The following IL34 variants were observed in gnomAD, a reference collection of about 807,000 sequenced individuals.
IL34 encodes the protein interleukin-34.
In IL34, 17 loss-of-function variants were observed where a neutral mutation model predicts 25.3. The observed-to-expected ratio is 0.67, with a 90% CI of 0.46 to 1.01. The LOEUF is 1.01. Ranked by LOEUF, IL34 falls within the 50% of genes least tolerant of loss-of-function variation. The pLI, the probability that IL34 is intolerant of heterozygous loss-of-function variation, is 0.00. For synonymous variants in IL34, 174 were observed against 140.9 expected, an observed-to-expected ratio of 1.23 and a Z score of -1.66; for missense variants, 368 against 312.9, an observed-to-expected ratio of 1.18 and a Z score of -1.33.
intron 1 of IL34, among the ~76,000 whole-genome samples, chr16:70,580,780 CA>C (rs200027520): frequency 0.068 from 5,468 of 80,990 alleles, 262 homozygotes; most frequent in African/African-American, 0.2. Context: ...GACTATGTCT[CA>C]AAAAAAAAAA....
chr16:70,581,234 G>T (rs915122838), intron 1 of IL34, among the ~76,000 whole-genome samples: 6 of 152,006 alleles, frequency 3.9e-5, no homozygotes, highest in African/African-American at 1.4e-4. Flanking sequence ...ACTTTTAAAT[G>T]CACATAAACC....
At chr16:70,599,263 C>A (rs191084355) in intron 1 of IL34, among the ~76,000 whole-genome samples, 9,475 of 95,398 alleles carry the variant, frequency 0.099, 752 homozygotes, top group East Asian at 0.27. Context: ...ATGTCAAGAA[C>A]TGTTTCTTTC....
intron 1 of IL34, among the ~76,000 whole-genome samples, chr16:70,619,193 A>G (rs907458043): frequency 9.9e-5 from 15 of 152,182 alleles, no homozygotes; most frequent in African/African-American, 3.1e-4. Context: ...ATCTTTTTAA[A>G]GCGTGCTGCG....
chr16:70,655,048 C>T (rs2052180182), intron 2 of IL34, among the ~76,000 whole-genome samples: 1 of 149,890 alleles, frequency 6.7e-6, no homozygotes, highest in Admixed American at 6.7e-5. Flanking sequence ...GTCTGTGTGG[C>T]TCTATGTATC....
intron 1 of IL34, among the ~76,000 whole-genome samples, chr16:70,637,138 G>A (rs1265957365): frequency 1.3e-5 from 2 of 151,906 alleles, no homozygotes; most frequent in South Asian, 4.2e-4. Flanking sequence ...GGGATTACAG[G>A]TGTGAGCTGC....
At chr16:70,654,498 T>C in intron 1 of IL34, 40 bp from the exon 2 acceptor site, 1 of 1,565,704 alleles carries the variant, frequency 6.4e-7, no homozygotes, top group Non-Finnish European at 8.7e-7. Flanking sequence ...GTGGATGAGA[T>C]GGAGGGTGCT....
chr16:70,592,545 A>C (rs2050768143), intron 1 of IL34, among the ~76,000 whole-genome samples: 1 of 152,142 alleles, frequency 6.6e-6, no homozygotes, highest in South Asian at 2.1e-4. Context: ...CTGCCTGCAA[A>C]GCCTATACCA....
At chr16:70,632,857 G>A (rs2051550230) in intron 1 of IL34, among the ~76,000 whole-genome samples, 1 of 152,160 alleles carries the variant, frequency 6.6e-6, no homozygotes, top group Admixed American at 6.5e-5. Flanking sequence ...TGAAGCACGA[G>A]CCAGGTTGGA....
At chr16:70,620,940 C>T (rs2051268343) in intron 1 of IL34, among the ~76,000 whole-genome samples, 2 of 151,790 alleles carry the variant, frequency 1.3e-5, no homozygotes, top group Admixed American at 6.6e-5. Context: ...GGAGGCAAGC[C>T]CAGAGAAAAG....
At position 70,622,196 on chromosome 16, in the gene IL34, T is replaced by C. The variant is rs181791881; in HGVS notation, c.-400-24352T>C. Among the ~76,000 whole-genome samples the C allele has an allele frequency of 2.4e-3, 365 of 152,126 alleles. 3 individuals carry two copies. Among genetic ancestry groups the C allele is most frequent in the African/African-American group, 8.2e-3 (340 of 41,538 alleles). ...TGTCTGACAAAAGGGAAAAAATGAC[T>C]GTGGTGGCCTTCTCAGACCCTGTAG... On this transcript the variant is annotated intron_variant, in intron 1 of 6. Transcript: ENST00000429149.
At position 70,632,900 on chromosome 16, in the gene IL34, C is replaced by A. The variant is rs1370874240; in HGVS notation, c.-400-13648C>A. On this transcript the variant is annotated intron_variant, in intron 1 of 6. Transcript: ENST00000429149. ...TCACCAGCTTGCTGTTTCCAACCAG[C>A]AATTTTCTATTGTTAAAATTGGAGT... 2.0e-5 allele frequency among the ~76,000 whole-genome samples: 3 copies of A among 152,100 alleles called. No homozygotes were observed. The East Asian group carries it at 5.8e-4, about 29-fold the overall frequency.
At chr16:70,620,702 G>A (rs1203411555) in intron 1 of IL34, among the ~76,000 whole-genome samples, 6 of 146,976 alleles carry the variant, frequency 4.1e-5, no homozygotes, top group South Asian at 4.7e-4. Context: ...GACCTTCTGC[G>A]TATTTTACAA....
intron 1 of IL34, among the ~76,000 whole-genome samples, chr16:70,618,979 T>C (rs575869112): frequency 7.2e-4 from 109 of 152,020 alleles, no homozygotes; most frequent in Non-Finnish European, 1.3e-3. Context: ...AATAATGGGT[T>C]ATAGAGGCAG....
In IL34 at chr16:70,608,134, T is replaced by C. The variant is rs1402555493; in HGVS notation, c.-401+28085T>C. ...GATTGATTTTCTTTTTTCTTTTTTT[T>C]TTTTTTTTTTTTGAGATAGAGTCTT... is the stretch of plus-strand genomic sequence containing the variant. On this transcript the variant is annotated intron_variant, in intron 1 of 6. Transcript: ENST00000429149. Among the ~76,000 whole-genome samples the C allele has an allele frequency of 3.1e-3, 461 of 148,204 alleles. 2 individuals carry two copies. The highest frequency in any genetic ancestry group is 0.01 in the African/African-American group (422 of 40,430).
intron 1 of IL34, among the ~76,000 whole-genome samples, chr16:70,630,598 A>C (rs2051498094): frequency 8.0e-6 from 1 of 124,352 alleles, no homozygotes. Context: ...TTTTTTTCTG[A>C]GGTAGGGTCT....
intron 1 of IL34, among the ~76,000 whole-genome samples, chr16:70,602,964 T>C (rs936927956): frequency 6.6e-6 from 1 of 152,126 alleles, no homozygotes; most frequent in Non-Finnish European, 1.5e-5. Flanking sequence ...CAAACATCCC[T>C]GAAATGAGGT....
chr16:70,659,930 T>C (rs1283945023), intron 5 of IL34, 67 bp from the exon 6 acceptor site: 1 of 1,500,588 alleles, frequency 6.7e-7, no homozygotes, highest in African/African-American at 1.4e-5. Context: ...ACATGCGGCT[T>C]GGCTTAGTGG....
intron 4 of IL34, among the ~76,000 whole-genome samples, chr16:70,659,222 T>G (rs926434214): frequency 3.9e-5 from 6 of 152,202 alleles, no homozygotes; most frequent in Admixed American, 3.9e-4. Context: ...AGTGTCTCTG[T>G]GAGGACCTTC....
chr16:70,637,070 C>T (rs2051671100), intron 1 of IL34, among the ~76,000 whole-genome samples: 1 of 151,812 alleles, frequency 6.6e-6, no homozygotes, highest in Non-Finnish European at 1.5e-5. Flanking sequence ...CTGTGTTAGC[C>T]AGGATGGTCT....
Sources: allele counts gnomAD v4.1 joint callset (sites outside exome capture counted in the v4.1 genomes callset), GRCh38; gene constraint gnomAD v4.1.1; transcripts MANE v1.5; gene names NCBI Gene and HGNC (gene_info 2026-07-23, HGNC 2026-07-21).